The following CDS2 variants were observed in gnomAD, a reference collection of about 807,000 sequenced individuals.
CDS2 encodes phosphatidate cytidylyltransferase 2.
Under a neutral mutation model 59.0 loss-of-function variants are expected in CDS2, and 47 were observed. The ratio of observed to expected loss-of-function variants is 0.80; its 90% CI spans 0.63 to 1.02. The LOEUF (loss-of-function observed/expected upper bound fraction) is 1.02. Among genes scored for constraint, CDS2 ranks in the 50% least tolerant of loss-of-function variants. The pLI is 0.00. For synonymous variants in CDS2, 207 were observed against 206.4 expected (o/e 1.00, Z -0.02); for missense variants, 356 against 558.9 (o/e 0.64, Z 3.66).
chr20:5,127,038 C>T lies in CDS2; in HGVS notation c.-55C>T, dbSNP rs1304697231. The T allele has an allele frequency of 6.8e-7, 1 of 1,467,708 alleles. No homozygotes were observed. Among genetic ancestry groups the T allele is most frequent in the East Asian group, 3.1e-5 (1 of 32,714 alleles). The allele number at this position is 1,467,708 out of a possible 1,614,324, so 90.9% of individuals were successfully genotyped here. A position where few individuals can be genotyped will look rare whatever the true frequency, so the allele number is the denominator to read the frequency against. On this transcript the variant is annotated 5_prime_UTR_variant, in exon 1 of 13. Transcript: ENST00000460006. ...TCCGCGCGTGCCCGCGCCGAGCTGC[C>T]TGCTCCGGCGGCTTCGCTGCTAGCT...
chr20:5,189,013 C>G, intron 10 of CDS2, 54 bp from the exon 11 acceptor site: 1 of 1,609,868 alleles, frequency 6.2e-7, no homozygotes, highest in Non-Finnish European at 8.5e-7. Context: ...ACAACTCAAA[C>G]CGTAACACTG....
intron 12 of CDS2, 35 bp downstream of exon 12, chr20:5,189,873 A>AT (rs758754145): frequency 3.9e-6 from 6 of 1,536,110 alleles, no homozygotes; most frequent in Non-Finnish European, 5.4e-6. Context: ...AAGTTGGTGG[A>AT]TTTTTAAGTA....
At chr20:5,142,031 CT>C in intron 1 of CDS2, among the ~76,000 whole-genome samples, 1 of 152,322 alleles carries the variant, frequency 6.6e-6, no homozygotes, top group East Asian at 1.9e-4. Flanking sequence ...GATTAAAAGA[CT>C]TTAGGTGCTG....
At chr20:5,138,230 A>G (rs9753717) in intron 1 of CDS2, among the ~76,000 whole-genome samples, 1,888 of 151,398 alleles carry the variant, frequency 0.012, 47 homozygotes, top group African/African-American at 0.042. Context: ...GGGATTACAC[A>G]TGAGCCACCA....
chr20:5,153,157 C>T (rs1946106556), intron 1 of CDS2, among the ~76,000 whole-genome samples: 1 of 152,174 alleles, frequency 6.6e-6, no homozygotes, highest in Non-Finnish European at 1.5e-5. Context: ...ACCTTGCATG[C>T]ACAGATCACT....
At chr20:5,170,532 G>C (rs2090948524) in intron 1 of CDS2, among the ~76,000 whole-genome samples, 1 of 152,230 alleles carries the variant, frequency 6.6e-6, no homozygotes, top group Non-Finnish European at 1.5e-5. Flanking sequence ...TGGCTGACCT[G>C]TCCCCCTCCT....
chr20:5,127,247 T>G, intron 1 of CDS2, 98 bp downstream of exon 1: 8 of 1,114,336 alleles, frequency 7.2e-6, no homozygotes, highest in Non-Finnish European at 9.5e-6. Flanking sequence ...CTCTGACCCT[T>G]TGTCGCAGCC....
Position 5,170,067 on chromosome 20 carries a change from G to A in CDS2, c.58-3456G>A, listed in dbSNP as rs1043579791. Among the ~76,000 whole-genome samples the A allele has an allele frequency of 2.6e-4, 40 of 152,054 alleles. 1 individual carries two copies. The highest frequency in any genetic ancestry group is 2.9e-5 in the Non-Finnish European group (2 of 68,006). On this transcript the variant is annotated intron_variant, in intron 1 of 12. Transcript: ENST00000460006. ...TTTATAGTTTTCATAGCCTTTCATCGGGGTCGCATTGGTCATCCCAACAAC... is the reference window on the plus strand; with the variant it reads ...TTTATAGTTTTCATAGCCTTTCATCAGGGTCGCATTGGTCATCCCAACAAC...
intron 1 of CDS2, among the ~76,000 whole-genome samples, chr20:5,161,007 G>GA (rs1278730445): frequency 6.6e-6 from 1 of 152,218 alleles, no homozygotes; most frequent in African/African-American, 2.4e-5. Flanking sequence ...AGGCTGCTAT[G>GA]AACATGGGTG....
rs147786053 is a variant in CDS2, at chr20:5,184,383, G to A, written c.672-475G>A. Among the ~76,000 whole-genome samples, 40 of 152,218 alleles carry A rather than the reference G, an allele frequency of 2.6e-4. No individual in the cohort carries two copies. In the East Asian group the frequency reaches 7.2e-3, roughly 27 times the overall value. ...CTGGGGAAAGATAGGGCCAACTAGA[G>A]CTAGTAATAAACAGCAAGAAAAGTC... On this transcript the variant is annotated intron_variant, in intron 7 of 12. Transcript: ENST00000460006. This position sits in a 1 kb window ranked among gnomAD's most constrained non-coding sequence, Gnocchi z 4.3.
chr20:5,136,707 G>A (rs1019318037), intron 1 of CDS2, among the ~76,000 whole-genome samples: 2 of 151,960 alleles, frequency 1.3e-5, no homozygotes, highest in East Asian at 1.9e-4. Flanking sequence ...TTATTGGGGG[G>A]GTGGGGTGGA....
In CDS2 at chr20:5,197,642, C is replaced by G. The variant is rs1025951405; in HGVS notation, c.*7408C>G. Reference sequence around the variant, plus strand: ...TTCTCGGTGTGTAGAGTCCACGTGACAGTCCCCACAGCCTCCCCAGATAGC... The same window carrying G: ...TTCTCGGTGTGTAGAGTCCACGTGAGAGTCCCCACAGCCTCCCCAGATAGC... On this transcript the variant is annotated 3_prime_UTR_variant, in exon 13 of 13. Transcript: ENST00000460006. The G allele has an allele frequency of 6.6e-6, 1 of 152,078 alleles. No homozygotes were observed. The highest frequency in any genetic ancestry group is 2.4e-5 in the African/African-American group (1 of 41,382). The allele number at this position is 152,078 out of a possible 1,614,324, so 9.4% of individuals were successfully genotyped here. A position where few individuals can be genotyped will look rare whatever the true frequency, so the allele number is the denominator to read the frequency against.
intron 1 of CDS2, among the ~76,000 whole-genome samples, chr20:5,172,525 C>T (rs2090963598): frequency 6.6e-6 from 1 of 152,196 alleles, no homozygotes; most frequent in South Asian, 2.1e-4. Flanking sequence ...GTGTATTCAT[C>T]AGTCATCAGG....
intron 1 of CDS2, among the ~76,000 whole-genome samples, chr20:5,164,553 T>C (rs2090899979): frequency 6.6e-6 from 1 of 152,040 alleles, no homozygotes; most frequent in Non-Finnish European, 1.5e-5. Flanking sequence ...AATATATTTT[T>C]CTTCTCCATC....
rs1380634156 is a variant in CDS2, at chr20:5,176,722, G to T, written c.366G>T (p.Leu122=). 6.2e-7 allele frequency: 1 copy of T among 1,613,908 alleles called. No individual in the cohort carries two copies. Residue 122 remains leucine, a synonymous_variant, in exon 4 of 13, where the codon CTG becomes CTT. Transcript: ENST00000460006. ...IGYNVYHSYD[L]PWFRTLSWYF... ...ACAACGTCTACCACTCATATGATCT[G>T]CCCTGGTTCAGGACGCTCAGCTGGT...
chr20:5,188,070 G>A (rs1008657767), intron 10 of CDS2, among the ~76,000 whole-genome samples: 2 of 151,922 alleles, frequency 1.3e-5, no homozygotes, highest in African/African-American at 4.8e-5. Flanking sequence ...GTGTGTGTGT[G>A]TGTGTGTGTG....
chr20:5,155,633 A>G (rs1216492457), intron 1 of CDS2, among the ~76,000 whole-genome samples: 1 of 152,154 alleles, frequency 6.6e-6, no homozygotes, highest in African/African-American at 2.4e-5. Flanking sequence ...AGGGATATAC[A>G]TGATTATATT....
intron 1 of CDS2, among the ~76,000 whole-genome samples, chr20:5,169,209 G>A (rs1189496951): frequency 6.6e-6 from 1 of 152,214 alleles, no homozygotes; most frequent in Non-Finnish European, 1.5e-5. Context: ...GCCCCACCTG[G>A]CCTCTGTTCC....
intron 10 of CDS2, among the ~76,000 whole-genome samples, chr20:5,188,394 T>C (rs1245196545): frequency 3.3e-5 from 5 of 152,232 alleles, no homozygotes; most frequent in Non-Finnish European, 7.3e-5. Context: ...ACTAAAATAC[T>C]CTTTTCAACT....
Sources: allele counts gnomAD v4.1 joint callset (sites outside exome capture counted in the v4.1 genomes callset), GRCh38; gene constraint gnomAD v4.1.1; non-coding constraint Gnocchi (gnomAD v3.1); transcripts MANE v1.5; gene names NCBI Gene and HGNC (gene_info 2026-07-23, HGNC 2026-07-21).